Variants in PCDH9 observed in about 807,000 individuals in gnomAD.
The protein encoded by PCDH9 is protocadherin-9.
A neutral mutation model predicts 70.6 loss-of-function variants in PCDH9; 24 were observed. The observed-to-expected ratio is 0.34, with a 90% CI of 0.25 to 0.48. The LOEUF is 0.48. PCDH9 is among the 20% of genes least tolerant of loss of function. The pLI, the probability that PCDH9 is intolerant of heterozygous loss-of-function variation, is 0.99. For synonymous variants in PCDH9, 562 were observed against 558.5 expected, an observed-to-expected ratio of 1.01 and a Z score of -0.09; for missense variants, 1,281 against 1,503.6, an observed-to-expected ratio of 0.85 and a Z score of 2.45.
chr13:66,497,542 A>T (rs1357778863), intron 4 of PCDH9, among the ~76,000 whole-genome samples: 1 of 152,200 alleles, frequency 6.6e-6, no homozygotes, highest in Non-Finnish European at 1.5e-5. Flanking sequence ...AAAATCAACC[A>T]TCTCTCTACC....
At chr13:66,639,898 A>G (rs891599893) in intron 3 of PCDH9, among the ~76,000 whole-genome samples, 2 of 152,134 alleles carry the variant, frequency 1.3e-5, no homozygotes, top group African/African-American at 4.8e-5. Flanking sequence ...ATCTGAGCAC[A>G]CGAAATATAA....
chr13:66,449,140 A>G (rs1170794761), intron 4 of PCDH9, among the ~76,000 whole-genome samples: 1 of 152,178 alleles, frequency 6.6e-6, no homozygotes, highest in Non-Finnish European at 1.5e-5. Flanking sequence ...GGAACCAAAG[A>G]AAGAAAAAAG....
intron 4 of PCDH9, among the ~76,000 whole-genome samples, chr13:66,611,542 C>A (rs529140062): frequency 1.3e-5 from 2 of 152,278 alleles, no homozygotes; most frequent in Non-Finnish European, 2.9e-5. Context: ...AAATCTATGT[C>A]ACTCTGCAAA....
chr13:66,875,093 A>T (rs1199395142), intron 3 of PCDH9, among the ~76,000 whole-genome samples: 1 of 152,148 alleles, frequency 6.6e-6, no homozygotes, highest in Non-Finnish European at 1.5e-5. Context: ...ACTAACTAAC[A>T]TCTATTGTAC....
At chr13:66,690,117 A>G (rs1249635129) in intron 3 of PCDH9, among the ~76,000 whole-genome samples, 1 of 152,266 alleles carries the variant, frequency 6.6e-6, no homozygotes, top group Admixed American at 6.5e-5. Context: ...ACAACTGCAC[A>G]GAAATAAGCA....
intron 4 of PCDH9, among the ~76,000 whole-genome samples, chr13:66,505,783 G>T (rs1959205824): frequency 6.6e-6 from 1 of 152,078 alleles, no homozygotes; most frequent in Non-Finnish European, 1.5e-5. Context: ...GGGAATTATG[G>T]GAGCTACAAT....
chr13:66,370,071 C>T (rs902657563), intron 4 of PCDH9, among the ~76,000 whole-genome samples: 13 of 152,068 alleles, frequency 8.5e-5, no homozygotes, highest in Non-Finnish European at 1.8e-4. Context: ...TAACATTCCT[C>T]TTCACTGCAC....
intron 3 of PCDH9, among the ~76,000 whole-genome samples, chr13:66,664,851 C>T (rs979326232): frequency 6.6e-6 from 1 of 151,986 alleles, no homozygotes; most frequent in Non-Finnish European, 1.5e-5. Context: ...GGCTTCATCC[C>T]ATCCCTACAT....
chr13:66,660,196 A>C (rs2077989747), intron 3 of PCDH9, among the ~76,000 whole-genome samples: 1 of 152,216 alleles, frequency 6.6e-6, no homozygotes, highest in Non-Finnish European at 1.5e-5. Context: ...TGGAAATGTG[A>C]GGCCATTTAT....
At chr13:66,338,173 G>A (rs1956067481) in intron 4 of PCDH9, among the ~76,000 whole-genome samples, 1 of 152,036 alleles carries the variant, frequency 6.6e-6, no homozygotes, top group South Asian at 2.1e-4. Flanking sequence ...ATGTAGCATA[G>A]CACACAGTAG....
chr13:66,959,769 G>C (rs1213344538), intron 2 of PCDH9, among the ~76,000 whole-genome samples: 1 of 149,926 alleles, frequency 6.7e-6, no homozygotes, highest in East Asian at 2.0e-4. Context: ...AAAAAAGAAA[G>C]AAAAAATAAA....
Position 66,317,037 on chromosome 13 carries a change from T to A in PCDH9, c.3341-12009A>T, listed in dbSNP as rs572945069. ...TGTGCCCGGCCCGCTAGCTTTGTTTTTGTTGATAGCACTCATCACTACCTT... is the reference window on the plus strand; with the variant it reads ...TGTGCCCGGCCCGCTAGCTTTGTTTATGTTGATAGCACTCATCACTACCTT... On this transcript the variant is annotated intron_variant, in intron 4 of 4. Transcript: ENST00000377865. 2.0e-5 allele frequency among the ~76,000 whole-genome samples: 3 copies of A among 152,270 alleles called. No individual in the cohort carries two copies. The East Asian group carries it at 5.8e-4, about 29-fold the overall frequency.
At chr13:66,826,653 TA>T (rs563159607) in intron 3 of PCDH9, among the ~76,000 whole-genome samples, 1 of 151,758 alleles carries the variant, frequency 6.6e-6, no homozygotes, top group Admixed American at 6.6e-5. Flanking sequence ...AATAAGATAG[TA>T]AAAAAAATAA....
At chr13:66,853,683 A>G (rs1168278007) in intron 3 of PCDH9, among the ~76,000 whole-genome samples, 1 of 151,978 alleles carries the variant, frequency 6.6e-6, no homozygotes, top group Non-Finnish European at 1.5e-5. Context: ...TATATAGAAA[A>G]TTTCCAAAAG....
At chr13:66,730,530 T>C (rs959150343) in intron 3 of PCDH9, among the ~76,000 whole-genome samples, 1 of 152,144 alleles carries the variant, frequency 6.6e-6, no homozygotes, top group African/African-American at 2.4e-5. Flanking sequence ...GGGCACCATG[T>C]ACCAGTCATC....
intron 4 of PCDH9, among the ~76,000 whole-genome samples, chr13:66,554,253 C>CTTAT (rs1156453630): frequency 1.3e-5 from 2 of 152,050 alleles, no homozygotes; most frequent in Non-Finnish European, 2.9e-5. Context: ...AAGCCACATA[C>CTTAT]TTATTTTCTA....
intron 3 of PCDH9, among the ~76,000 whole-genome samples, chr13:66,883,488 T>G (rs1400324177): frequency 1.3e-5 from 2 of 152,114 alleles, no homozygotes; most frequent in Non-Finnish European, 2.9e-5. Context: ...ATTTGCTGAC[T>G]GAAGATATTC....
At chr13:67,088,446 A>C (rs1410067726) in intron 2 of PCDH9, among the ~76,000 whole-genome samples, 1 of 152,018 alleles carries the variant, frequency 6.6e-6, no homozygotes, top group Non-Finnish European at 1.5e-5. Flanking sequence ...TTCCTTACAG[A>C]CCATCACCCA....
chr13:66,659,776 A>C (rs569845738), intron 3 of PCDH9, among the ~76,000 whole-genome samples: 60 of 151,202 alleles, frequency 4.0e-4, no homozygotes, highest in African/African-American at 1.3e-3. Context: ...CCATTAAATC[A>C]TCAAAGAAGC....
Sources: gnomAD v4.1 joint callset for allele counts (sites outside exome capture counted in the v4.1 genomes callset) on GRCh38, gnomAD v4.1.1 for gene constraint, MANE v1.5 for transcripts, NCBI Gene and HGNC (gene_info 2026-07-23, HGNC 2026-07-21) for gene names.